The following ZNF154 variants were observed in gnomAD, a reference collection of about 807,000 sequenced individuals.
The protein encoded by ZNF154 is zinc finger protein 154, also known as zinc finger protein 154 (pHZ-92).
A neutral mutation model predicts 7.5 loss-of-function variants in ZNF154; 6 were observed. The observed-to-expected ratio is 0.80, with a 90% confidence interval of 0.44 to 1.57. The LOEUF (loss-of-function observed/expected upper bound fraction) is 1.57, where lower values mean the gene tolerates loss of function less well. Among genes scored for constraint, ZNF154 ranks in the 40% most tolerant of loss-of-function variants. The pLI, the probability that ZNF154 is intolerant of heterozygous loss-of-function variation, is 0.01. For synonymous variants in ZNF154, 187 were observed against 185.9 expected, an observed-to-expected ratio of 1.01 and a Z score of -0.05; for missense variants, 485 against 531.4, an observed-to-expected ratio of 0.91 and a Z score of 0.86.
chr19:57,708,626 G>A (rs933191004), intron 1 of ZNF154, among the ~76,000 whole-genome samples: 1 of 152,078 alleles, frequency 6.6e-6, no homozygotes, highest in South Asian at 2.1e-4. Flanking sequence ...AGAACTCTCC[G>A]TGGCTTCTAG....
intron 1 of ZNF154, among the ~76,000 whole-genome samples, chr19:57,707,113 CAAAAAAA>C (rs1282058157): frequency 6.4e-5 from 6 of 94,302 alleles, no homozygotes; most frequent in South Asian, 3.4e-4. Context: ...CACTCCATCT[CAAAAAAA>C]AAAAAAAAAA....
At position 57,699,856 on chromosome 19, in the gene ZNF154, C is replaced by T; in HGVS notation, c.*1779G>A. 6.6e-6 allele frequency: 1 copy of T among 152,410 alleles called. No individual in the cohort carries two copies. The highest frequency in any genetic ancestry group is 1.5e-5 in the Non-Finnish European group (1 of 68,182). The allele number at this position is 152,410 out of a possible 1,614,324, so 9.4% of individuals were successfully genotyped here. ...GGCGTGGTGGCGGGTGCCTGTAATC[C>T]CAGCTACCTGGGAGGCTGAGGCAGA... On this transcript the variant is annotated 3_prime_UTR_variant, in exon 3 of 3. Transcript: ENST00000684351.
chr19:57,706,180 G>A (rs977853560), intron 1 of ZNF154, among the ~76,000 whole-genome samples: 22 of 152,232 alleles, frequency 1.4e-4, no homozygotes, highest in African/African-American at 4.6e-4. Flanking sequence ...GAGTATGCTC[G>A]ACAGATTCAA....
Position 57,699,068 on chromosome 19 carries a change from A to T in ZNF154, c.*2567T>A, listed in dbSNP as rs1205732070. The T allele has an allele frequency of 6.6e-6, 1 of 151,704 alleles. No homozygotes were observed. The allele number at this position is 151,704 out of a possible 1,614,324, so 9.4% of individuals were successfully genotyped here. A position where few individuals can be genotyped will look rare whatever the true frequency, so the allele number is the denominator to read the frequency against. On this transcript the variant is annotated 3_prime_UTR_variant, in exon 3 of 3. Coordinates refer to ENST00000684351, the MANE Select transcript of ZNF154 (RefSeq NM_001085384.3). ...CGGCCTCCCAAAGTGCTGGGATTAC[A>T]GGTGTAAGCCACCGCATCTGGCCTC...
chr19:57,704,028 A>T (rs1168634633), intron 2 of ZNF154, among the ~76,000 whole-genome samples: 1 of 152,202 alleles, frequency 6.6e-6, no homozygotes, highest in Admixed American at 6.5e-5. Context: ...GAGTATGTGC[A>T]TACCTCATGA....
Position 57,697,680 on chromosome 19 carries a change from G to A in ZNF154, c.*3955C>T, listed in dbSNP as rs547946481. The A allele has an allele frequency of 1.3e-5, 2 of 152,008 alleles. No homozygotes were observed. Among genetic ancestry groups the A allele is most frequent in the East Asian group, 1.9e-4 (1 of 5,176 alleles). 9.4% of individuals were successfully genotyped at this position (152,008 alleles called of 1,614,324 possible). On this transcript the variant is annotated 3_prime_UTR_variant, in exon 3 of 3. Transcript: ENST00000684351. ...GCATTAAATAATATGATATCCGGGA[G>A]TATAAGTAAAATAACGCACTAGTAC...
chr19:57,699,374 C>A lies in ZNF154; in HGVS notation c.*2261G>T. The A allele has an allele frequency of 4.5e-6, 1 of 223,820 alleles. No homozygotes were observed. The highest frequency in any genetic ancestry group is 9.6e-6 in the Non-Finnish European group (1 of 104,580). 13.9% of individuals were successfully genotyped at this position (223,820 alleles called of 1,614,324 possible). On this transcript the variant is annotated 3_prime_UTR_variant, in exon 3 of 3. Transcript: ENST00000684351. The stretch of plus-strand genomic sequence containing the variant: ...GTGCTGGGATTACAGGCGTGAGCCA[C>A]CGCACCCGGCTGAGATTTTCTTACT...
At chr19:57,708,859 C>T in intron 1 of ZNF154, 80 bp downstream of exon 1, 5 of 1,529,750 alleles carry the variant, frequency 3.3e-6, no homozygotes, top group Non-Finnish European at 4.4e-6. Context: ...GCAGCGGGGA[C>T]TCGAGCAGGC....
At chr19:57,702,933 G>T in intron 2 of ZNF154, 145 bp from the exon 3 acceptor site, 1 of 781,214 alleles carries the variant, frequency 1.3e-6, no homozygotes, top group Non-Finnish European at 2.0e-6. Context: ...TAGGGAGAAA[G>T]ATCTGCCTTA....
Position 57,702,164 on chromosome 19 carries a change from TGAA to T in ZNF154, c.782_784del (p.Leu261del). On this transcript the variant is annotated inframe_deletion, in exon 3 of 3. Transcript: ENST00000684351. ...CTCCCCAGTGTGAACTCCCCGATGT[TGAA>T]GGAGTGCAGACCTTTGGCTAAAGGA... The T allele has an allele frequency of 1.9e-6, 3 of 1,614,040 alleles. No individual in the cohort carries two copies. Among genetic ancestry groups the T allele is most frequent in the Non-Finnish European group, 2.5e-6 (3 of 1,180,014 alleles).
intron 1 of ZNF154, 121 bp from the exon 2 acceptor site, chr19:57,705,100 A>T: frequency 7.3e-7 from 1 of 1,369,874 alleles, no homozygotes. Flanking sequence ...GAGAGGAGAA[A>T]CCAGCACATG....
chr19:57,708,999 G>A lies in ZNF154; in HGVS notation c.-28C>T. ...GACTCTGCGGGTAGAGCTGGGCCGG[G>A]AGCGACGGGCGACATTGGTAGGGAC... is the stretch of plus-strand genomic sequence containing the variant. On this transcript the variant is annotated 5_prime_UTR_variant, in exon 1 of 3. Coordinates refer to ENST00000684351, the MANE Select transcript of ZNF154 (RefSeq NM_001085384.3). 1.3e-6 allele frequency: 2 copies of A among 1,553,734 alleles called. No homozygotes were observed. Among genetic ancestry groups the A allele is most frequent in the Non-Finnish European group, 8.7e-7 (1 of 1,149,590 alleles).
chr19:57,706,253 A>G (rs1429168364), intron 1 of ZNF154, among the ~76,000 whole-genome samples: 4 of 152,174 alleles, frequency 2.6e-5, no homozygotes, highest in African/African-American at 9.7e-5. Flanking sequence ...CCCAAATCCT[A>G]TGAGGGCTCC....
intron 2 of ZNF154, among the ~76,000 whole-genome samples, chr19:57,703,267 C>T (rs1985256021): frequency 6.6e-6 from 1 of 151,926 alleles, no homozygotes; most frequent in Non-Finnish European, 1.5e-5. Context: ...GTGGGTGGAT[C>T]ACAAAGTCAG....
chr19:57,703,208 CCGGGTGCGGTGGCT>C (rs75591684), intron 2 of ZNF154, among the ~76,000 whole-genome samples: 23,162 of 151,948 alleles, frequency 0.15, 2,043 homozygotes, highest in East Asian at 0.38. Context: ...CAAGAATGGG[CCGGGTGCGGTGGCT>C]CACATCTGTA....
chr19:57,701,901 C>G lies in ZNF154; in HGVS notation c.1048G>C (p.Val350Leu). Residue 350 changes from valine (V) to leucine (L), a missense_variant, in exon 3 of 3, where the codon GTT becomes CTT. By Grantham distance (32) the Val-to-Leu change is conservative. Coordinates refer to ENST00000684351, the MANE Select transcript of ZNF154 (RefSeq NM_001085384.3). ...TCATAAGGCCTCTCCCCAGTGTGAACTCCCCGATGTTGAAGGAGTGCAGAC... is the reference window on the plus strand; with the variant it reads ...TCATAAGGCCTCTCCCCAGTGTGAAGTCCCCGATGTTGAAGGAGTGCAGAC... Reference protein sequence around the residue: ...QRSALLQHRGVHTGERPYECS... With the variant: ...QRSALLQHRGLHTGERPYECS... 6.2e-7 allele frequency: 1 copy of G among 1,613,978 alleles called. No individual in the cohort carries two copies. The highest frequency in any genetic ancestry group is 8.5e-7 in the Non-Finnish European group (1 of 1,179,986).
chr19:57,708,806 AAAAG>A (rs1985506221), intron 1 of ZNF154, 129 bp downstream of exon 1: 2 of 1,242,084 alleles, frequency 1.6e-6, no homozygotes, highest in African/African-American at 1.5e-5. Flanking sequence ...CAGTGTCAAA[AAAAG>A]GGCCCCACCC....
chr19:57,709,153 T>A lies in ZNF154; in HGVS notation c.-182A>T. 1 of 744,818 alleles carries A rather than the reference T, an allele frequency of 1.3e-6. No homozygotes were observed. 46.1% of individuals were successfully genotyped at this position (744,818 alleles called of 1,614,324 possible). On this transcript the variant is annotated 5_prime_UTR_variant, in exon 1 of 3. Transcript: ENST00000684351. ...CCTTCGTGGCCCCAACTCGGCGCTC[T>A]GCTATCTCTGATCCGGTGAACACAC...
At position 57,702,244 on chromosome 19, in the gene ZNF154, A is replaced by T. The variant is rs752975194; in HGVS notation, c.705T>A (p.His235Gln). ...LFSNKSNLIK[H>Q]RRVHTGERPY... ...GCCTTTCCCCAGTGTGAACTCTCCG[A>T]TGTTTAATGAGGTTAGACTTGTTGC... The change falls in exon 3 of 3, where the codon CAT (histidine) becomes CAA (glutamine). Residue 235 changes from histidine (H) to glutamine (Q), a missense_variant. Transcript: ENST00000684351. 3 of 1,614,026 alleles carry T rather than the reference A, an allele frequency of 1.9e-6. No individual in the cohort carries two copies. Among genetic ancestry groups the T allele is most frequent in the Non-Finnish European group, 1.7e-6 (2 of 1,180,004 alleles).
Sources: allele counts gnomAD v4.1 joint callset (sites outside exome capture counted in the v4.1 genomes callset), GRCh38; gene constraint gnomAD v4.1.1; transcripts MANE v1.5; gene names NCBI Gene and HGNC (gene_info 2026-07-23, HGNC 2026-07-21).